MSR1: variants seen among roughly 807,000 people sequenced by gnomAD.
MSR1 encodes the protein macrophage scavenger receptor types I and II.
In MSR1, 53 loss-of-function variants were observed where a neutral mutation model predicts 47.2. That is an observed-to-expected ratio of 1.12 (90% confidence interval 0.90 to 1.41). The LOEUF is 1.41. Ranked by LOEUF, MSR1 falls within the 40% of genes most tolerant of loss-of-function variation. MSR1 has a pLI of 0.00. For synonymous variants in MSR1, 239 were observed against 185.6 expected (o/e 1.29, Z -2.34); for missense variants, 786 against 546.9 (o/e 1.44, Z -4.36).
At chr8:16,143,108 C>T (rs1174747359) in intron 8 of MSR1, among the ~76,000 whole-genome samples, 1 of 152,102 alleles carries the variant, frequency 6.6e-6, no homozygotes, top group Non-Finnish European at 1.5e-5. Flanking sequence ...TGGAATACCA[C>T]ATTTCAAGTT....
At chr8:16,150,643 G>A (rs1800830439) in intron 6 of MSR1, among the ~76,000 whole-genome samples, 2 of 152,124 alleles carry the variant, frequency 1.3e-5, no homozygotes, top group South Asian at 4.1e-4. Flanking sequence ...TCTTGCTGTA[G>A]CTGAAATAAT....
intron 5 of MSR1, among the ~76,000 whole-genome samples, chr8:16,160,230 A>G (rs1347966876): frequency 6.6e-6 from 1 of 152,058 alleles, no homozygotes; most frequent in Non-Finnish European, 1.5e-5. Context: ...AGTCATAAGA[A>G]TAATTTATAC....
intron 1 of MSR1, 123 bp from the exon 2 acceptor site, chr8:16,178,115 TA>T: frequency 1.4e-6 from 1 of 717,402 alleles, no homozygotes; most frequent in Middle Eastern, 4.1e-4. Context: ...TTTTTTTTTT[TA>T]ATTATACTTT....
chr8:16,181,854 T>C (rs1263491334), intron 1 of MSR1, among the ~76,000 whole-genome samples: 1 of 152,128 alleles, frequency 6.6e-6, no homozygotes, highest in African/African-American at 2.4e-5. Flanking sequence ...TGGAACTATG[T>C]ACTAATGCTT....
rs1484748 is a variant in MSR1, at chr8:16,156,374, T to A, written c.818-1230A>T. Among the ~76,000 whole-genome samples, 890 of 151,942 alleles carry A rather than the reference T, an allele frequency of 5.9e-3. 11 individuals carry two copies. Among genetic ancestry groups the A allele is most frequent in the African/African-American group, 0.02 (810 of 41,490 alleles). On this transcript the variant is annotated intron_variant, in intron 5 of 9. Coordinates refer to ENST00000262101, the MANE Select transcript of MSR1 (RefSeq NM_138715.3). ...GGGGAACCACATAAATAAATAAAGATTATCTCATGAATAAGTATATTTTGT... is the reference window on the plus strand; with the variant it reads ...GGGGAACCACATAAATAAATAAAGAATATCTCATGAATAAGTATATTTTGT...
intron 9 of MSR1, among the ~76,000 whole-genome samples, chr8:16,112,534 G>GA (rs1799780761): frequency 6.6e-6 from 1 of 151,964 alleles, no homozygotes; most frequent in Non-Finnish European, 1.5e-5. Flanking sequence ...GAGCCCAGGG[G>GA]AAAAATTTAT....
intron 1 of MSR1, among the ~76,000 whole-genome samples, chr8:16,178,654 G>A (rs1300472152): frequency 2.0e-5 from 3 of 152,118 alleles, no homozygotes; most frequent in African/African-American, 4.8e-5. Context: ...GGTATTTCTA[G>A]TTCTAAATCC....
At chr8:16,184,293 C>T (rs546542003) in intron 1 of MSR1, among the ~76,000 whole-genome samples, 22 of 152,070 alleles carry the variant, frequency 1.4e-4, no homozygotes, top group Non-Finnish European at 2.9e-4. Context: ...GAGAGGGGTC[C>T]TGCACATTAC....
chr8:16,185,454 T>A (rs950738733), intron 1 of MSR1, among the ~76,000 whole-genome samples: 11 of 152,186 alleles, frequency 7.2e-5, no homozygotes, highest in African/African-American at 2.7e-4. Flanking sequence ...TTACATCATC[T>A]ATTTATTATC....
Position 16,164,050 on chromosome 8 carries a change from G to T in MSR1, c.817+15C>A, listed in dbSNP as rs368723280. ...TATATATATCATTTTCTGGAGAAAT[G>T]ACAAGACATTTTACCTTGAATTAAA... On this transcript the variant is annotated intron_variant, in intron 5 of 9. Transcript: ENST00000262101. 36 of 1,590,228 alleles carry T rather than the reference G, an allele frequency of 2.3e-5. No homozygotes were observed. The highest frequency in any genetic ancestry group is 2.8e-5 in the Non-Finnish European group (33 of 1,162,742).
rs568425123 is a variant in MSR1, at chr8:16,140,316, T to C, written c.1033+3242A>G. ...GAAAAAAAAAAAGCCCTTGACTCAGTCTTTACTTTGATCAAAAATGCTTTG... is the reference window on the plus strand; with the variant it reads ...GAAAAAAAAAAAGCCCTTGACTCAGCCTTTACTTTGATCAAAAATGCTTTG... On this transcript the variant is annotated intron_variant, in intron 8 of 9. Transcript: ENST00000262101. 1.9e-4 allele frequency: 192 copies of C among 984,708 alleles called. 1 individual carries two copies. The African/African-American group carries it at 3.2e-3, about 16-fold the overall frequency. The allele number at this position is 984,708 out of a possible 1,614,324, so 61.0% of individuals were successfully genotyped here.
chr8:16,182,695 G>C (rs1801869794), intron 1 of MSR1, among the ~76,000 whole-genome samples: 1 of 151,798 alleles, frequency 6.6e-6, no homozygotes, highest in South Asian at 2.1e-4. Flanking sequence ...TTCTCCCACT[G>C]AAAGATCTTC....
chr8:16,120,837 T>G, intron 8 of MSR1: 1 of 570,232 alleles, frequency 1.8e-6, no homozygotes, highest in Non-Finnish European at 3.1e-6. Context: ...CCAATCTGTC[T>G]TACATGTAAG....
In MSR1 at chr8:16,177,939, C is replaced by G; in HGVS notation, c.50G>C (p.Cys17Ser). The G allele has an allele frequency of 6.2e-7, 1 of 1,613,912 alleles. No individual in the cohort carries two copies. The highest frequency in any genetic ancestry group is 8.5e-7 in the Non-Finnish European group (1 of 1,179,910). ...AGCATCAAATTTCACAGATTCGGAGCAGCTATCAGTGTCCTCCTGTTGATT... is the reference window on the plus strand; with the variant it reads ...AGCATCAAATTTCACAGATTCGGAGGAGCTATCAGTGTCCTCCTGTTGATT... ...FHNQQEDTDS[C>S]SESVKFDARS... The change falls in exon 2 of 10, where the codon TGC becomes TCC. Residue 17 changes from cysteine (C) to serine (S), a missense_variant. Cys to Ser is a moderately radical substitution (Grantham distance 112). Transcript: ENST00000262101.
At chr8:16,184,184 A>G (rs1801925715) in intron 1 of MSR1, among the ~76,000 whole-genome samples, 1 of 151,934 alleles carries the variant, frequency 6.6e-6, no homozygotes, top group African/African-American at 2.4e-5. Context: ...AGAGAAAACA[A>G]AGATTTAAAA....
intron 5 of MSR1, among the ~76,000 whole-genome samples, chr8:16,163,304 T>C (rs1418921102): frequency 6.7e-6 from 1 of 149,584 alleles, no homozygotes; most frequent in Non-Finnish European, 1.5e-5. Context: ...TCAGATTGTA[T>C]ATTTTTTTAA....
chr8:16,167,761 T>C (rs1385108561), intron 4 of MSR1, among the ~76,000 whole-genome samples: 2 of 152,222 alleles, frequency 1.3e-5, no homozygotes, highest in Non-Finnish European at 2.9e-5. Flanking sequence ...TCCTGATAAC[T>C]AACATTTTCG....
chr8:16,142,633 G>A (rs1000835477), intron 8 of MSR1, among the ~76,000 whole-genome samples: 7 of 152,094 alleles, frequency 4.6e-5, no homozygotes, highest in African/African-American at 1.7e-4. Context: ...ATTAGGTTTT[G>A]TAGGGCAGAT....
intron 1 of MSR1, among the ~76,000 whole-genome samples, chr8:16,191,111 T>C (rs906402811): frequency 6.6e-6 from 1 of 152,208 alleles, no homozygotes; most frequent in East Asian, 1.9e-4. Context: ...ATAACTTTGA[T>C]TTTTGTAACA....
Sources: gnomAD v4.1 joint callset for allele counts (sites outside exome capture counted in the v4.1 genomes callset) on GRCh38, gnomAD v4.1.1 for gene constraint, MANE v1.5 for transcripts, NCBI Gene and HGNC (gene_info 2026-07-23, HGNC 2026-07-21) for gene names.